IL12RB1: variants seen among roughly 807,000 people sequenced by gnomAD.
The protein encoded by IL12RB1 is interleukin 12 receptor subunit beta 1.
Under a neutral mutation model 94.4 loss-of-function variants are expected in IL12RB1, and 64 were observed. That is an observed-to-expected ratio of 0.68 (90% CI 0.55 to 0.83). The LOEUF is 0.83. IL12RB1 is among the 40% of genes least tolerant of loss of function. The probability of loss-of-function intolerance (pLI) is 0.00; values close to 1 mark genes in which losing one functional copy is unlikely to be tolerated. For missense variants in IL12RB1, 814 were observed against 855.6 expected (o/e 0.95, Z 0.61); for synonymous variants, 362 against 355.5 (o/e 1.02, Z -0.21).
At chr19:18,075,964 T>A in intron 6 of IL12RB1, 96 bp from the exon 7 acceptor site, 1 of 1,244,756 alleles carries the variant, frequency 8.0e-7, no homozygotes, top group Non-Finnish European at 1.2e-6. Flanking sequence ...TCCAACTGTG[T>A]ACAGAGCCAC....
At position 18,073,594 on chromosome 19, in the gene IL12RB1, G is replaced by A; in HGVS notation, c.706C>T (p.Pro236Ser). Residue 236 changes from proline (P) to serine (S), a missense_variant, in exon 8 of 17, where the codon CCC becomes TCC. Pro to Ser is a moderately conservative substitution (Grantham distance 74). Transcript: ENST00000593993. ...GAGAATCTCACCTGAGGCTGTGGGG[G>A]GTTTTCTGCAATCAGAACCAAACCA... ...SSPVCVPPEN[P>S]PQPQVRFSVE... The A allele has an allele frequency of 3.1e-6, 5 of 1,608,308 alleles. No homozygotes were observed. The highest frequency in any genetic ancestry group is 4.3e-6 in the Non-Finnish European group (5 of 1,175,020).
At chr19:18,071,571 G>C (rs1004202490) in intron 9 of IL12RB1, among the ~76,000 whole-genome samples, 10 of 152,008 alleles carry the variant, frequency 6.6e-5, no homozygotes. Context: ...AAGATTGCTT[G>C]AGCCCAGAAG....
At chr19:18,093,361 CGT>C (rs67190458) in intron 1 of IL12RB1, among the ~76,000 whole-genome samples, 33,013 of 144,950 alleles carry the variant, frequency 0.23, 3,772 homozygotes, top group African/African-American at 0.28. Context: ...TGTGTGTGTG[CGT>C]GTGTGTGTGT....
chr19:18,068,336 T>A (rs550155096), intron 11 of IL12RB1, 53 bp downstream of exon 11: 71 of 1,450,870 alleles, frequency 4.9e-5, no homozygotes, highest in Middle Eastern at 2.4e-4. Flanking sequence ...TCTATTTTTT[T>A]AAATTATTTA....
At position 18,082,132 on chromosome 19, in the gene IL12RB1, T is replaced by C; in HGVS notation, c.239+18A>G. ...GGGATGGTGGGTGAGGGTTTGGGAA[T>C]GGTAGAGGGGTCCTCACCAACACCG... On this transcript the variant is annotated intron_variant, in intron 3 of 16. Transcript: ENST00000593993. 6.8e-7 allele frequency: 1 copy of C among 1,476,690 alleles called. No individual in the cohort carries two copies. Among genetic ancestry groups the C allele is most frequent in the East Asian group, 2.3e-5 (1 of 44,188 alleles). The allele number at this position is 1,476,690 out of a possible 1,614,324, so 91.5% of individuals were successfully genotyped here.
At chr19:18,097,576 A>G (rs889639730) in intron 1 of IL12RB1, among the ~76,000 whole-genome samples, 3 of 152,264 alleles carry the variant, frequency 2.0e-5, no homozygotes, top group Non-Finnish European at 2.9e-5. Context: ...ATGCTGCCTT[A>G]CTTCTGAGAG....
At chr19:18,061,337 T>G in intron 14 of IL12RB1, 140 bp from the exon 15 acceptor site, 2 of 565,586 alleles carry the variant, frequency 3.5e-6, no homozygotes. Context: ...TTCAATCGAT[T>G]CTCCTGACTC....
rs951438971 is a variant in IL12RB1, at chr19:18,059,263, T to C, written c.*345A>G. ...CGCAATGCTGCAGGGAGCCCTTGAG[T>C]CCAGACTCCCCATCCAGTGCTCCTG... On this transcript the variant is annotated 3_prime_UTR_variant, in exon 17 of 17. Coordinates refer to ENST00000593993, the MANE Select transcript of IL12RB1 (RefSeq NM_005535.3). The C allele has an allele frequency of 3.6e-5, 15 of 418,908 alleles. No individual in the cohort carries two copies. The highest frequency in any genetic ancestry group is 8.9e-6 in the Non-Finnish European group (2 of 225,014). The allele number at this position is 418,908 out of a possible 1,614,324, so 25.9% of individuals were successfully genotyped here.
upstream of IL12RB1, among the ~76,000 whole-genome samples, chr19:18,088,827 T>C (rs845329): frequency 0.27 from 40,653 of 151,640 alleles, 5,843 homozygotes; most frequent in African/African-American, 0.38. Flanking sequence ...GTCAGGAGTT[T>C]GAGACCAGCC....
chr19:18,088,511 T>A (rs1175728402), upstream of IL12RB1, among the ~76,000 whole-genome samples: 4 of 147,638 alleles, frequency 2.7e-5, no homozygotes, highest in Non-Finnish European at 4.5e-5. Flanking sequence ...CTGCAGTGAA[T>A]CGTGATTGTG....
intron 15 of IL12RB1, 53 bp from the exon 16 acceptor site, chr19:18,060,138 A>C (rs1203581402): frequency 1.0e-6 from 1 of 986,868 alleles, no homozygotes; most frequent in Non-Finnish European, 1.6e-6. Flanking sequence ...CTTCCCATCC[A>C]CAGCAGGATG....
intron 1 of IL12RB1, among the ~76,000 whole-genome samples, chr19:18,097,177 T>C (rs147660255): frequency 0.014 from 2,144 of 151,996 alleles, 68 homozygotes; most frequent in African/African-American, 0.049. Context: ...TTTTTTGTTG[T>C]TGTTTTGTTT....
intron 5 of IL12RB1, among the ~76,000 whole-genome samples, chr19:18,076,739 G>T (rs893060537): frequency 6.6e-6 from 1 of 151,626 alleles, no homozygotes; most frequent in Admixed American, 6.6e-5. Context: ...TACTTCCAGG[G>T]ATTATTTCTA....
intron 1 of IL12RB1, among the ~76,000 whole-genome samples, chr19:18,084,696 T>G (rs945125017): frequency 3.1e-5 from 1 of 32,734 alleles, no homozygotes; most frequent in East Asian, 1.6e-3. Context: ...CATCCATCCA[T>G]CCATACATAC....
intron 14 of IL12RB1, among the ~76,000 whole-genome samples, chr19:18,061,978 T>C (rs541438465): frequency 6.6e-6 from 1 of 152,350 alleles, no homozygotes; most frequent in Non-Finnish European, 1.5e-5. Flanking sequence ...ACTCTCCGCC[T>C]ACAGGGAAGC....
At chr19:18,086,182 C>T (rs1253335594) in intron 1 of IL12RB1, among the ~76,000 whole-genome samples, 1 of 151,590 alleles carries the variant, frequency 6.6e-6, no homozygotes, top group Non-Finnish European at 1.5e-5. Flanking sequence ...ATGATTAGGC[C>T]ACTGCACTCC....
chr19:18,070,315 C>T (rs1466127691), intron 9 of IL12RB1, among the ~76,000 whole-genome samples: 2 of 152,242 alleles, frequency 1.3e-5, no homozygotes, highest in East Asian at 1.9e-4. Flanking sequence ...ACTGCCATTA[C>T]ACCCACTTCC....
chr19:18,075,003 G>C (rs886225662), intron 7 of IL12RB1, among the ~76,000 whole-genome samples: 4 of 151,450 alleles, frequency 2.6e-5, no homozygotes, highest in African/African-American at 7.3e-5. Context: ...AGTGAGCCGA[G>C]ATGGCGCCAC....
rs547030215 is a variant in IL12RB1, at chr19:18,062,306, G to T, written c.1619-29C>A. 1.0e-5 allele frequency: 14 copies of T among 1,394,988 alleles called. No homozygotes were observed. The African/African-American group carries it at 1.3e-4, about 13-fold the overall frequency. The allele number at this position is 1,394,988 out of a possible 1,614,324, so 86.4% of individuals were successfully genotyped here. On this transcript the variant is annotated intron_variant, in intron 13 of 16. Coordinates refer to ENST00000593993, the MANE Select transcript of IL12RB1 (RefSeq NM_005535.3). ...AGGTGGGAGAGCGTGGGTTGGCAGA[G>T]GGCTACCTCCTGCCTCTTCCTCAGG...
Sources: gnomAD v4.1 joint callset for allele counts (sites outside exome capture counted in the v4.1 genomes callset) on GRCh38, gnomAD v4.1.1 for gene constraint, MANE v1.5 for transcripts, NCBI Gene and HGNC (gene_info 2026-07-23, HGNC 2026-07-21) for gene names.